SPIDR: variants seen among roughly 807,000 people sequenced by gnomAD.
The protein encoded by SPIDR is scaffold protein involved in DNA repair, also known as DNA repair-scaffolding protein.
SPIDR carries 93 observed loss-of-function variants against 104.6 expected under a neutral mutation model. That is an observed-to-expected ratio of 0.89 (90% CI 0.75 to 1.06). The LOEUF is 1.06. Among genes scored for constraint, SPIDR ranks in the 50% least tolerant of loss-of-function variants. The probability of loss-of-function intolerance (pLI) is 0.00; values close to 1 mark genes in which losing one functional copy is unlikely to be tolerated. For synonymous variants in SPIDR, 431 were observed against 416.9 expected (o/e 1.03, Z -0.41); for missense variants, 1,154 against 1,111.2 (o/e 1.04, Z -0.55).
intron 8 of SPIDR, chr8:47,511,268 C>A (rs2082275355): frequency 6.5e-7 from 1 of 1,549,022 alleles, no homozygotes; most frequent in Non-Finnish European, 8.9e-7. Context: ...GTGGTAGTCT[C>A]TGATTCGACG....
chr8:47,519,438 C>T (rs2083682423), intron 8 of SPIDR, among the ~76,000 whole-genome samples: 1 of 152,170 alleles, frequency 6.6e-6, no homozygotes, highest in African/African-American at 2.4e-5. Context: ...AGTCACTGTG[C>T]CTGGCCACCA....
At chr8:47,441,689 G>T (rs782334448) in intron 8 of SPIDR, among the ~76,000 whole-genome samples, 8 of 151,996 alleles carry the variant, frequency 5.3e-5, no homozygotes, top group Admixed American at 4.6e-4. Flanking sequence ...TAGCTTCTGG[G>T]TTTTGTATCA....
At chr8:47,587,062 G>A (rs910723432) in intron 8 of SPIDR, among the ~76,000 whole-genome samples, 2 of 152,110 alleles carry the variant, frequency 1.3e-5, no homozygotes, top group African/African-American at 4.8e-5. Flanking sequence ...GAGCCACTGC[G>A]CTCGGCCTCA....
intron 10 of SPIDR, among the ~76,000 whole-genome samples, chr8:47,614,181 G>A (rs918874487): frequency 2.0e-5 from 3 of 151,822 alleles, no homozygotes; most frequent in Admixed American, 6.6e-5. Flanking sequence ...CCATATCCAC[G>A]TCCCTGCAAA....
intron 7 of SPIDR, among the ~76,000 whole-genome samples, chr8:47,414,683 T>C (rs1441240788): frequency 2.6e-5 from 4 of 152,212 alleles, no homozygotes; most frequent in Non-Finnish European, 5.9e-5. Flanking sequence ...TGGGTACTAT[T>C]GCATGGTACG....
At chr8:47,471,106 C>T (rs1282573539) in intron 8 of SPIDR, among the ~76,000 whole-genome samples, 6 of 152,040 alleles carry the variant, frequency 3.9e-5, no homozygotes, top group Admixed American at 2.0e-4. Flanking sequence ...GATGACACTG[C>T]GTTTGGCAGT....
At chr8:47,447,665 C>A (rs1216769359) in intron 8 of SPIDR, among the ~76,000 whole-genome samples, 6 of 152,140 alleles carry the variant, frequency 3.9e-5, no homozygotes, top group Non-Finnish European at 8.8e-5. Flanking sequence ...AAAGAAGTTC[C>A]AGTAATGCCA....
rs78396767 is a variant in SPIDR, at chr8:47,472,272, G to C, written c.1097+31730G>C. Among the ~76,000 whole-genome samples, 89 of 152,334 alleles carry C rather than the reference G, an allele frequency of 5.8e-4. 1 individual carries two copies. In the East Asian group the frequency reaches 0.01, roughly 18 times the overall value. On this transcript the variant is annotated intron_variant, in intron 8 of 19. Transcript: ENST00000297423. ...CCCTCCTTCACATTGTCTCCTAGGA[G>C]AGATTGGGATGATGGCTGTCACCCT...
At chr8:47,394,734 G>A (rs1473707761) in intron 5 of SPIDR, among the ~76,000 whole-genome samples, 1 of 152,152 alleles carries the variant, frequency 6.6e-6, no homozygotes, top group East Asian at 1.9e-4. Context: ...GAGTTCTTAA[G>A]TAATACGTAA....
chr8:47,431,236 A>G (rs2067313535), intron 7 of SPIDR, among the ~76,000 whole-genome samples: 1 of 152,200 alleles, frequency 6.6e-6, no homozygotes, highest in Non-Finnish European at 1.5e-5. Flanking sequence ...AAGGAGACTA[A>G]GCCTGTCAGA....
intron 8 of SPIDR, chr8:47,511,489 G>A (rs1485528283): frequency 1.3e-6 from 1 of 777,798 alleles, no homozygotes; most frequent in Non-Finnish European, 2.4e-6. Flanking sequence ...CAGCTCTGCT[G>A]GCACCTCCCT....
At chr8:47,698,934 G>A (rs891052905) in intron 11 of SPIDR, among the ~76,000 whole-genome samples, 11 of 152,180 alleles carry the variant, frequency 7.2e-5, no homozygotes, top group African/African-American at 2.4e-4. Flanking sequence ...GTTACACTTC[G>A]CAGAACACTT....
intron 8 of SPIDR, among the ~76,000 whole-genome samples, chr8:47,523,111 C>T (rs2084422560): frequency 1.3e-5 from 2 of 152,082 alleles, no homozygotes; most frequent in African/African-American, 2.4e-5. Context: ...GGCAATCCTC[C>T]CACCTCGAAT....
rs956551816 is a variant in SPIDR, at chr8:47,360,197, G to A, written c.526-36179G>A. ...GCGGAGGTTGCAGTGAGCGGAGATC[G>A]CGCCACTGTGCTCCAGCCTGGGCAA... On this transcript the variant is annotated intron_variant, in intron 5 of 19. Transcript: ENST00000297423. Among the ~76,000 whole-genome samples the A allele has an allele frequency of 3.7e-5, 5 of 134,334 alleles. No individual in the cohort carries two copies. The South Asian group carries it at 9.4e-4, about 25-fold the overall frequency. The allele number at this position is 134,334 out of a possible 152,430, so 88.1% of individuals were successfully genotyped here.
chr8:47,417,514 T>C (rs2154331371), intron 7 of SPIDR, among the ~76,000 whole-genome samples: 1 of 152,342 alleles, frequency 6.6e-6, no homozygotes, highest in South Asian at 2.1e-4. Context: ...TTGTAGATTC[T>C]GGATATTAGC....
intron 1 of SPIDR, 138 bp downstream of exon 1, chr8:47,261,129 C>T: frequency 9.7e-7 from 1 of 1,025,876 alleles, no homozygotes; most frequent in African/African-American, 1.7e-5. Context: ...GGTGGCGGGT[C>T]CCGTCTGCGC....
At chr8:47,366,380 G>C (rs1554634523) in intron 5 of SPIDR, among the ~76,000 whole-genome samples, 1 of 152,162 alleles carries the variant, frequency 6.6e-6, no homozygotes, top group Non-Finnish European at 1.5e-5. Context: ...CTGAAGAGGA[G>C]AGCATGGAGC....
intron 10 of SPIDR, chr8:47,654,108 C>T (rs1370792801): frequency 7.8e-7 from 1 of 1,289,694 alleles, no homozygotes; most frequent in East Asian, 5.5e-5. Flanking sequence ...TACCAAGAGG[C>T]ATGCAGGAGC....
intron 5 of SPIDR, among the ~76,000 whole-genome samples, chr8:47,320,001 A>T (rs1300443923): frequency 6.6e-6 from 1 of 152,034 alleles, no homozygotes; most frequent in Non-Finnish European, 1.5e-5. Context: ...AGCAGGAAAG[A>T]TCTAAAATTG....
Sources: gnomAD v4.1 joint callset for allele counts (sites outside exome capture counted in the v4.1 genomes callset) on GRCh38, gnomAD v4.1.1 for gene constraint, MANE v1.5 for transcripts, NCBI Gene and HGNC (gene_info 2026-07-23, HGNC 2026-07-21) for gene names.